Variants in ANK3 observed in about 807,000 individuals in gnomAD.
The protein encoded by ANK3 is ankyrin-3.
A neutral mutation model predicts 370.9 loss-of-function variants in ANK3; 57 were observed. That is an observed-to-expected ratio of 0.15 (90% CI 0.12 to 0.19). The LOEUF (loss-of-function observed/expected upper bound fraction) is 0.19. Ranked by LOEUF, ANK3 falls within the 10% of genes least tolerant of loss-of-function variation. The pLI is 1.00. For missense variants in ANK3, 4,439 were observed against 5,302.1 expected (o/e 0.84, Z 5.06); for synonymous variants, 1,929 against 1,946.3 (o/e 0.99, Z 0.23).
intron 18 of ANK3, 32 bp from the exon 19 acceptor site, chr10:60,173,218 T>G: frequency 1.3e-6 from 2 of 1,529,332 alleles, no homozygotes; most frequent in Non-Finnish European, 9.0e-7. Flanking sequence ...AAAAGAAGCA[T>G]CATAATTACA....
At chr10:60,100,250 T>TG (rs2090997843) in intron 28 of ANK3, among the ~76,000 whole-genome samples, 1 of 144,226 alleles carries the variant, frequency 6.9e-6, no homozygotes, top group Non-Finnish European at 1.5e-5. Flanking sequence ...TTTTTTTTTT[T>TG]TTTTTTGCAC....
chr10:60,488,881 T>C (rs1381727772), intron 2 of ANK3, among the ~76,000 whole-genome samples: 1 of 152,242 alleles, frequency 6.6e-6, no homozygotes, highest in African/African-American at 2.4e-5. Flanking sequence ...TGTTAAATTG[T>C]TTAAATCAAA....
intron 1 of ANK3, among the ~76,000 whole-genome samples, chr10:60,674,105 T>C (rs2079095700): frequency 6.6e-6 from 1 of 152,062 alleles, no homozygotes; most frequent in African/African-American, 2.4e-5. Flanking sequence ...AGTATGAGAG[T>C]TCTTGTATTA....
intron 14 of ANK3, 115 bp downstream of exon 14, chr10:60,198,225 T>G: frequency 9.9e-7 from 1 of 1,010,040 alleles, no homozygotes; most frequent in South Asian, 1.5e-5. Flanking sequence ...ATGACTACTG[T>G]GGGATCGCAA....
At chr10:60,123,597 G>A (rs950820983) in intron 25 of ANK3, among the ~76,000 whole-genome samples, 6 of 152,336 alleles carry the variant, frequency 3.9e-5, no homozygotes, top group Middle Eastern at 3.4e-3. Context: ...GATGACATGA[G>A]TTAAGGTCCA....
At chr10:60,392,520 AC>A (rs1251397766), upstream of ANK3, among the ~76,000 whole-genome samples, 29 of 152,106 alleles carry the variant, frequency 1.9e-4, no homozygotes, top group African/African-American at 6.8e-4. Context: ...GCCGACGGTC[AC>A]CTCCCTCTAC....
chr10:60,696,327 G>A (rs2079449147), intron 1 of ANK3, among the ~76,000 whole-genome samples: 2 of 148,954 alleles, frequency 1.3e-5, no homozygotes, highest in Non-Finnish European at 3.0e-5. Flanking sequence ...AGAGGTACAA[G>A]GAGGAGCTGG....
At chr10:60,287,977 T>C (rs1191315094) in intron 1 of ANK3, among the ~76,000 whole-genome samples, 1 of 152,222 alleles carries the variant, frequency 6.6e-6, no homozygotes, top group East Asian at 1.9e-4. Context: ...TCCACTTCTA[T>C]GGCATAGGCT....
chr10:60,645,221 C>G (rs1020024852), intron 1 of ANK3, among the ~76,000 whole-genome samples: 10 of 151,884 alleles, frequency 6.6e-5, no homozygotes, highest in African/African-American at 2.2e-4. Flanking sequence ...GTAGGCATTA[C>G]AAAAACAAAA....
intron 7 of ANK3, among the ~76,000 whole-genome samples, chr10:60,240,239 TAC>T (rs1488775115): frequency 6.9e-6 from 1 of 144,324 alleles, no homozygotes; most frequent in African/African-American, 2.5e-5. Flanking sequence ...CACATATATA[TAC>T]ACACATATAT....
intron 1 of ANK3, among the ~76,000 whole-genome samples, chr10:60,651,222 T>A (rs1419157040): frequency 6.6e-6 from 1 of 152,156 alleles, no homozygotes; most frequent in Admixed American, 6.5e-5. Flanking sequence ...TGAAATAAAA[T>A]TAGCTGATAG....
intron 1 of ANK3, among the ~76,000 whole-genome samples, chr10:60,377,907 C>T (rs4147263): frequency 0.38 from 57,867 of 152,078 alleles, 11,622 homozygotes; most frequent in Middle Eastern, 0.49. Context: ...TTGACACCTA[C>T]CAATTATTTT....
intron 26 of ANK3, among the ~76,000 whole-genome samples, chr10:60,113,599 G>C (rs775333361): frequency 7.2e-5 from 11 of 152,134 alleles, no homozygotes; most frequent in Non-Finnish European, 1.6e-4. Context: ...GGTCCCAGGT[G>C]CTCAAGAAAC....
At chr10:60,579,153 C>T (rs927867130) in intron 2 of ANK3, among the ~76,000 whole-genome samples, 8 of 151,414 alleles carry the variant, frequency 5.3e-5, no homozygotes, top group Non-Finnish European at 8.8e-5. Flanking sequence ...GGTGAAACCC[C>T]GTCTCTACTA....
intron 20 of ANK3, 48 bp from the exon 21 acceptor site, chr10:60,172,451 ATT>A: frequency 6.6e-7 from 1 of 1,509,196 alleles, no homozygotes; most frequent in Non-Finnish European, 9.2e-7. Flanking sequence ...CTTATTCCAC[ATT>A]TTTTTTGCTG....
intron 25 of ANK3, among the ~76,000 whole-genome samples, chr10:60,119,808 T>C (rs1344477317): frequency 2.6e-5 from 4 of 152,046 alleles, no homozygotes; most frequent in Non-Finnish European, 5.9e-5. Flanking sequence ...AATAAAATGA[T>C]TAACAGAGAT....
At chr10:60,200,776 TG>T (rs1386002812) in intron 12 of ANK3, among the ~76,000 whole-genome samples, 4 of 152,198 alleles carry the variant, frequency 2.6e-5, no homozygotes, top group African/African-American at 7.2e-5. Flanking sequence ...AAACACTACA[TG>T]GGCAACCTAA....
At chr10:60,687,362 G>A (rs899396177) in intron 1 of ANK3, among the ~76,000 whole-genome samples, 3 of 152,074 alleles carry the variant, frequency 2.0e-5, no homozygotes, top group African/African-American at 7.2e-5. Flanking sequence ...TAAACACCTA[G>A]GAACCTGATT....
At chr10:60,225,420 G>A (rs2097124722) in intron 8 of ANK3, among the ~76,000 whole-genome samples, 1 of 152,156 alleles carries the variant, frequency 6.6e-6, no homozygotes, top group African/African-American at 2.4e-5. Context: ...TTATAGATGA[G>A]AAAACTTCTC....
Sources: gnomAD v4.1 joint callset for allele counts (sites outside exome capture counted in the v4.1 genomes callset) on GRCh38, gnomAD v4.1.1 for gene constraint, MANE v1.5 for transcripts, NCBI Gene and HGNC (gene_info 2026-07-23, HGNC 2026-07-21) for gene names.